RIC1: variants seen among roughly 807,000 people sequenced by gnomAD.
The protein encoded by RIC1 is RIC1 partner of RAB6A GEF complex.
A neutral mutation model predicts 169.0 loss-of-function variants in RIC1; 88 were observed. That is an observed-to-expected ratio of 0.52 (90% CI 0.44 to 0.62). The LOEUF (loss-of-function observed/expected upper bound fraction) is 0.62, where lower values mean the gene tolerates loss of function less well. Ranked by LOEUF, RIC1 falls within the 20% of genes least tolerant of loss-of-function variation. The pLI is 0.00. For synonymous variants in RIC1, 790 were observed against 601.5 expected (o/e 1.31, Z -4.59); for missense variants, 1,877 against 1,725.5 (o/e 1.09, Z -1.56).
intron 3 of RIC1, 160 bp from the exon 4 acceptor site, chr9:5,713,736 G>C (rs1823069418): frequency 2.1e-6 from 1 of 486,598 alleles, no homozygotes. Context: ...GATAATGTCT[G>C]CTATAATAGA....
intron 6 of RIC1, among the ~76,000 whole-genome samples, chr9:5,726,808 T>TA (rs1276824799): frequency 6.6e-6 from 1 of 152,238 alleles, no homozygotes; most frequent in Non-Finnish European, 1.5e-5. Context: ...CTCCTTCACT[T>TA]ACGAAGCTTA....
intron 16 of RIC1, among the ~76,000 whole-genome samples, 199 bp from the exon 17 acceptor site, chr9:5,757,114 T>C (rs1329101250): frequency 1.3e-5 from 2 of 152,182 alleles, no homozygotes; most frequent in Non-Finnish European, 2.9e-5. Context: ...CTCCCTTTCT[T>C]TCTCTCTCAT....
chr9:5,689,067 G>A (rs1365804619), intron 2 of RIC1, among the ~76,000 whole-genome samples: 1 of 8,802 alleles, frequency 1.1e-4, no homozygotes, highest in African/African-American at 4.6e-4. Context: ...TTTTTTTTTT[G>A]AGACGGAGTC....
chr9:5,687,266 C>T (rs1821307666), intron 2 of RIC1, among the ~76,000 whole-genome samples: 1 of 152,042 alleles, frequency 6.6e-6, no homozygotes, highest in South Asian at 2.1e-4. Context: ...TCTTCTAAAA[C>T]AATAACAAAA....
chr9:5,668,313 C>T (rs1167325121), intron 2 of RIC1, among the ~76,000 whole-genome samples: 2 of 152,106 alleles, frequency 1.3e-5, no homozygotes, highest in African/African-American at 4.8e-5. Context: ...ACTGAGGAAC[C>T]CTTATATTTG....
At chr9:5,725,254 AG>A (rs1363054529) in intron 6 of RIC1, among the ~76,000 whole-genome samples, 1 of 152,170 alleles carries the variant, frequency 6.6e-6, no homozygotes, top group Admixed American at 6.5e-5. Context: ...TGGTCTATTC[AG>A]GGATTCAGCT....
intron 6 of RIC1, among the ~76,000 whole-genome samples, chr9:5,721,860 G>A (rs983945680): frequency 6.6e-6 from 1 of 151,064 alleles, no homozygotes; most frequent in East Asian, 1.9e-4. Context: ...AAACATATTA[G>A]CTGTTCTGTT....
intron 3 of RIC1, among the ~76,000 whole-genome samples, chr9:5,706,871 C>T (rs1418325701): frequency 6.6e-6 from 1 of 152,012 alleles, no homozygotes; most frequent in African/African-American, 2.4e-5. Context: ...TTCAAACAAC[C>T]AACTTGCTTT....
intron 2 of RIC1, among the ~76,000 whole-genome samples, chr9:5,678,778 T>C (rs201266451): frequency 1.2e-3 from 176 of 149,378 alleles, no homozygotes; most frequent in African/African-American, 3.6e-3. Context: ...CAAAAATTTT[T>C]TCCCATTCTG....
At chr9:5,638,115 G>C (rs995015727) in intron 1 of RIC1, among the ~76,000 whole-genome samples, 5 of 151,934 alleles carry the variant, frequency 3.3e-5, no homozygotes, top group African/African-American at 9.7e-5. Context: ...ATATAGTTTT[G>C]GTCCTTCATT....
At chr9:5,687,666 T>A (rs899625156) in intron 2 of RIC1, among the ~76,000 whole-genome samples, 1 of 152,176 alleles carries the variant, frequency 6.6e-6, no homozygotes, top group Non-Finnish European at 1.5e-5. Flanking sequence ...TCTATTGGGA[T>A]CAGGAAACAT....
chr9:5,678,181 C>T (rs1296604752), intron 2 of RIC1, among the ~76,000 whole-genome samples: 1 of 152,118 alleles, frequency 6.6e-6, no homozygotes. Context: ...ATGAACTCAT[C>T]CTTTTTTATG....
intron 1 of RIC1, among the ~76,000 whole-genome samples, chr9:5,655,478 T>C (rs1819040241): frequency 6.6e-6 from 1 of 151,996 alleles, no homozygotes; most frequent in Non-Finnish European, 1.5e-5. Flanking sequence ...TTTTTGTATT[T>C]TTAGTAGAGA....
intron 1 of RIC1, among the ~76,000 whole-genome samples, chr9:5,637,869 C>G (rs936768676): frequency 6.6e-6 from 1 of 152,136 alleles, no homozygotes; most frequent in Non-Finnish European, 1.5e-5. Context: ...TGTTGATGGA[C>G]ACTTCCAGTA....
intron 8 of RIC1, 95 bp from the exon 9 acceptor site, chr9:5,742,774 G>C (rs887818148): frequency 7.2e-6 from 8 of 1,112,330 alleles, no homozygotes; most frequent in Non-Finnish European, 8.8e-6. Context: ...TACTCATTTA[G>C]ATTTGAAAAT....
intron 2 of RIC1, among the ~76,000 whole-genome samples, chr9:5,667,792 C>A (rs892490858): frequency 6.6e-6 from 1 of 152,146 alleles, no homozygotes; most frequent in African/African-American, 2.4e-5. Context: ...GCATGAGCCA[C>A]CGCACTGGGC....
At chr9:5,662,273 A>G (rs1819498604) in intron 2 of RIC1, among the ~76,000 whole-genome samples, 1 of 152,070 alleles carries the variant, frequency 6.6e-6, no homozygotes, top group Non-Finnish European at 1.5e-5. Flanking sequence ...CATCAAGCAT[A>G]TTGGCCTGAG....
intron 4 of RIC1, chr9:5,719,253 CT>C (rs1444618296): frequency 1.3e-5 from 2 of 152,230 alleles, no homozygotes; most frequent in East Asian, 3.8e-4. Flanking sequence ...CCCTTTCCCT[CT>C]TCTTGCCTCC....
At chr9:5,743,105 T>G in intron 9 of RIC1, 92 bp downstream of exon 9, 6 of 1,187,596 alleles carry the variant, frequency 5.1e-6, no homozygotes, top group Non-Finnish European at 7.2e-6. Flanking sequence ...CTTCCCTTTT[T>G]GCCTTGACTC....
Sources: allele counts gnomAD v4.1 joint callset (sites outside exome capture counted in the v4.1 genomes callset), GRCh38; gene constraint gnomAD v4.1.1; transcripts MANE v1.5; gene names NCBI Gene and HGNC (gene_info 2026-07-23, HGNC 2026-07-21).